SENP7: variants seen among roughly 807,000 people sequenced by gnomAD.
SENP7 encodes the protein SUMO specific peptidase 7.
In SENP7, 64 loss-of-function variants were observed where a neutral mutation model predicts 141.2. The ratio of observed to expected loss-of-function variants is 0.45; its 90% CI spans 0.37 to 0.56. The LOEUF (loss-of-function observed/expected upper bound fraction) is 0.56, where lower values mean the gene tolerates loss of function less well. Among genes scored for constraint, SENP7 ranks in the 20% least tolerant of loss-of-function variants. SENP7 has a pLI of 0.00. For missense variants in SENP7, 1,025 were observed against 1,212.2 expected, an observed-to-expected ratio of 0.85 and a Z score of 2.29; for synonymous variants, 382 against 426.4, an observed-to-expected ratio of 0.90 and a Z score of 1.28.
At chr3:101,510,110 A>C (rs2065788506) in intron 1 of SENP7, among the ~76,000 whole-genome samples, 1 of 152,208 alleles carries the variant, frequency 6.6e-6, no homozygotes, top group Non-Finnish European at 1.5e-5. Context: ...ATTGCAGTCT[A>C]TGATTCTAAT....
At chr3:101,334,299 C>T (rs2059130517) in intron 17 of SENP7, among the ~76,000 whole-genome samples, 1 of 151,940 alleles carries the variant, frequency 6.6e-6, no homozygotes, top group South Asian at 2.1e-4. Context: ...GGATATAAAA[C>T]CAAGTTTGAC....
At chr3:101,420,386 G>T (rs2061756174) in intron 4 of SENP7, among the ~76,000 whole-genome samples, 1 of 152,094 alleles carries the variant, frequency 6.6e-6, no homozygotes, top group African/African-American at 2.4e-5. Flanking sequence ...AAAGTGATAG[G>T]AAAGATAAAG....
intron 14 of SENP7, among the ~76,000 whole-genome samples, chr3:101,342,873 C>T (rs2059363430): frequency 6.6e-6 from 1 of 152,022 alleles, no homozygotes; most frequent in Non-Finnish European, 1.5e-5. Context: ...ACCATGTTGG[C>T]CAAGATGGTC....
At chr3:101,490,569 C>A (rs1559903751) in intron 3 of SENP7, among the ~76,000 whole-genome samples, 1 of 152,020 alleles carries the variant, frequency 6.6e-6, no homozygotes, top group African/African-American at 2.4e-5. Context: ...ATATTAAATT[C>A]TTTTGATTTT....
At chr3:101,472,241 T>G (rs899270676) in intron 3 of SENP7, among the ~76,000 whole-genome samples, 2 of 152,178 alleles carry the variant, frequency 1.3e-5, no homozygotes, top group African/African-American at 4.8e-5. Context: ...AGCAAAGACT[T>G]GGAACCAACC....
chr3:101,476,079 G>C (rs1447067216), intron 3 of SENP7, among the ~76,000 whole-genome samples: 1 of 152,068 alleles, frequency 6.6e-6, no homozygotes, highest in Non-Finnish European at 1.5e-5. Context: ...CATATGTTAG[G>C]CCACAAAGGT....
chr3:101,451,073 G>A (rs570497411), intron 4 of SENP7, among the ~76,000 whole-genome samples: 29 of 152,264 alleles, frequency 1.9e-4, no homozygotes, highest in Admixed American at 7.8e-4. Flanking sequence ...TACCATCAGA[G>A]AATACTATAA....
At chr3:101,326,971 C>A (rs1465912833) in intron 23 of SENP7, among the ~76,000 whole-genome samples, 1 of 151,948 alleles carries the variant, frequency 6.6e-6, no homozygotes, top group Non-Finnish European at 1.5e-5. Flanking sequence ...TAAACTTGTC[C>A]AATAAGTTCC....
intron 4 of SENP7, among the ~76,000 whole-genome samples, chr3:101,426,672 G>A (rs1351860388): frequency 1.3e-5 from 2 of 151,770 alleles, no homozygotes; most frequent in South Asian, 2.1e-4. Flanking sequence ...GTAGGGACGG[G>A]GGTTTCATCA....
intron 10 of SENP7, among the ~76,000 whole-genome samples, chr3:101,364,082 G>C (rs2059971232): frequency 6.6e-6 from 1 of 152,050 alleles, no homozygotes; most frequent in Non-Finnish European, 1.5e-5. Context: ...AAAAACATTA[G>C]CCAGGCTTGC....
At chr3:101,502,702 C>G (rs2065437908) in intron 1 of SENP7, among the ~76,000 whole-genome samples, 1 of 152,004 alleles carries the variant, frequency 6.6e-6, no homozygotes, top group South Asian at 2.1e-4. Flanking sequence ...ATCACTTGAG[C>G]CCAGGAGTTC....
intron 6 of SENP7, among the ~76,000 whole-genome samples, chr3:101,386,305 G>A (rs768148794): frequency 5.9e-5 from 9 of 152,134 alleles, no homozygotes; most frequent in Non-Finnish European, 8.8e-5. Context: ...AGAAATCCCC[G>A]GAAGTCCATG....
chr3:101,461,989 A>C (rs1444541129), intron 3 of SENP7, among the ~76,000 whole-genome samples: 1 of 152,206 alleles, frequency 6.6e-6, no homozygotes, highest in African/African-American at 2.4e-5. Context: ...CAAAGTAGTA[A>C]TTTCCAGGGG....
chr3:101,343,679 T>C lies in SENP7; in HGVS notation c.2106+7A>G, dbSNP rs1454109378. 2 of 1,603,956 alleles carry C rather than the reference T, an allele frequency of 1.2e-6. No homozygotes were observed. The highest frequency in any genetic ancestry group is 1.1e-5 in the South Asian group (1 of 89,046). ...TTCTCTGCCAATTATATTAATGATA[T>C]GCTAACCTGAGATACTGATTTCAGC... On this transcript the variant is annotated splice_region_variant and intron_variant, in intron 14 of 23. Transcript: ENST00000394095.
chr3:101,380,629 A>T (rs2060475670), intron 6 of SENP7, among the ~76,000 whole-genome samples: 1 of 132,872 alleles, frequency 7.5e-6, no homozygotes, highest in South Asian at 2.7e-4. Flanking sequence ...ACATAGCAAG[A>T]CCTATCTCTA....
Position 101,324,619 on chromosome 3 carries a change from A to G in SENP7, c.*1324T>C, listed in dbSNP as rs2058855346. ...GCCAAAATCAACAAAAGCTAAGAAT[A>G]CTGAGGCTTAACTGACCCCGATTCG... is the stretch of plus-strand genomic sequence containing the variant. On this transcript the variant is annotated 3_prime_UTR_variant, in exon 24 of 24. Coordinates refer to ENST00000394095, the MANE Select transcript of SENP7 (RefSeq NM_020654.5). The G allele has an allele frequency of 6.6e-6, 1 of 152,046 alleles. No individual in the cohort carries two copies. Among genetic ancestry groups the G allele is most frequent in the Non-Finnish European group, 1.5e-5 (1 of 67,950 alleles). 9.4% of individuals were successfully genotyped at this position (152,046 alleles called of 1,614,324 possible). A position where few individuals can be genotyped will look rare whatever the true frequency, so the allele number is the denominator to read the frequency against.
chr3:101,510,825 C>T (rs2065822532), intron 1 of SENP7, among the ~76,000 whole-genome samples: 1 of 115,470 alleles, frequency 8.7e-6, no homozygotes, highest in Non-Finnish European at 1.6e-5. Context: ...GCCTGGGCAA[C>T]AGAGCGAGAC....
intron 6 of SENP7, among the ~76,000 whole-genome samples, chr3:101,372,877 A>G (rs1456550810): frequency 6.6e-6 from 1 of 152,008 alleles, no homozygotes; most frequent in East Asian, 1.9e-4. Context: ...AATAGGAATT[A>G]TATTGGTTAA....
intron 4 of SENP7, among the ~76,000 whole-genome samples, chr3:101,429,172 G>A (rs565897244): frequency 2.6e-5 from 4 of 151,596 alleles, no homozygotes; most frequent in South Asian, 2.1e-4. Context: ...TTGGCTACGC[G>A]GGCTCTTTTT....
Sources: gnomAD v4.1 joint callset for allele counts (sites outside exome capture counted in the v4.1 genomes callset) on GRCh38, gnomAD v4.1.1 for gene constraint, MANE v1.5 for transcripts, NCBI Gene and HGNC (gene_info 2026-07-23, HGNC 2026-07-21) for gene names.